The following PRC1 variants were observed in gnomAD, a reference collection of about 807,000 sequenced individuals.
PRC1 encodes protein regulator of cytokinesis 1.
A neutral mutation model predicts 91.2 loss-of-function variants in PRC1; 54 were observed. That is an observed-to-expected ratio of 0.59 (90% CI 0.48 to 0.74). The LOEUF is 0.74. PRC1 is among the 30% of genes least tolerant of loss of function. The pLI is 0.00. For missense variants in PRC1, 727 were observed against 746.2 expected, an observed-to-expected ratio of 0.97 and a Z score of 0.30; for synonymous variants, 275 against 263.6, an observed-to-expected ratio of 1.04 and a Z score of -0.42.
At chr15:90,969,926 AT>A (rs2037950153) in intron 12 of PRC1, among the ~76,000 whole-genome samples, 2 of 151,764 alleles carry the variant, frequency 1.3e-5, no homozygotes, top group South Asian at 4.2e-4. Flanking sequence ...CTAGAAAAAA[AT>A]TTTTTTTAAA....
chr15:90,974,355 T>C lies in PRC1; in HGVS notation c.1351-109A>G, dbSNP rs969295448. 73 of 1,126,980 alleles carry C rather than the reference T, an allele frequency of 6.5e-5. No individual in the cohort carries two copies. The African/African-American group carries it at 1.1e-3, about 16-fold the overall frequency. 69.8% of individuals were successfully genotyped at this position (1,126,980 alleles called of 1,614,324 possible). Reference sequence around the variant, plus strand: ...AGGCCCGTGTCTCTACAGCCAGAGCTAAAGAGCTGCCGCGGGCTCCCCGTT... The same window carrying C: ...AGGCCCGTGTCTCTACAGCCAGAGCCAAAGAGCTGCCGCGGGCTCCCCGTT... On this transcript the variant is annotated intron_variant, in intron 10 of 14. Transcript: ENST00000394249. The surrounding 1 kb of genome is among the most constrained non-coding windows in gnomAD (Gnocchi z 4.6).
At chr15:90,967,498 T>G in intron 14 of PRC1, 1 of 345,828 alleles carries the variant, frequency 2.9e-6, no homozygotes, top group Non-Finnish European at 5.4e-6. Flanking sequence ...ATAATGATGT[T>G]TCAGTTAACG....
chr15:90,972,147 C>G (rs961317426), intron 11 of PRC1, among the ~76,000 whole-genome samples: 6 of 139,432 alleles, frequency 4.3e-5, no homozygotes, highest in African/African-American at 1.3e-4. Flanking sequence ...TTGAGACCAG[C>G]CTGGACAACT....
intron 3 of PRC1, 62 bp from the exon 4 acceptor site, chr15:90,982,043 G>A: frequency 6.8e-7 from 1 of 1,480,606 alleles, no homozygotes; most frequent in African/African-American, 1.4e-5. Flanking sequence ...AGGAAGAGAA[G>A]GACAACATAA....
chr15:90,968,543 T>A, intron 14 of PRC1: 1 of 991,180 alleles, frequency 1.0e-6, no homozygotes, highest in Non-Finnish European at 1.2e-6. Flanking sequence ...GTGAAGAGCA[T>A]TCTGGAAAAA....
intron 6 of PRC1, 130 bp from the exon 7 acceptor site, chr15:90,980,519 T>G: frequency 1.0e-6 from 1 of 1,002,960 alleles, no homozygotes; most frequent in East Asian, 3.0e-5. Context: ...ACACTTTTTT[T>G]TTTTTTTTTT....
Position 90,966,962 on chromosome 15 carries a change from T to G in PRC1, c.*169A>C. ...TCTCCTAGGACCACTAAACCTATGA[T>G]GGGCTTTCAACTGTAACACTCATTC... On this transcript the variant is annotated 3_prime_UTR_variant, in exon 15 of 15. Coordinates refer to ENST00000394249, the MANE Select transcript of PRC1 (RefSeq NM_003981.4). 1.6e-6 allele frequency: 1 copy of G among 635,942 alleles called. No individual in the cohort carries two copies. The allele number at this position is 635,942 out of a possible 1,614,324, so 39.4% of individuals were successfully genotyped here. A position where few individuals can be genotyped will look rare whatever the true frequency, so the allele number is the denominator to read the frequency against.
At position 90,966,294 on chromosome 15, in the gene PRC1, C is replaced by A; in HGVS notation, c.*837G>T. 4.3e-6 allele frequency: 1 copy of A among 234,970 alleles called. No individual in the cohort carries two copies. The highest frequency in any genetic ancestry group is 8.8e-6 in the Non-Finnish European group (1 of 113,724). 14.6% of individuals were successfully genotyped at this position (234,970 alleles called of 1,614,324 possible). A position where few individuals can be genotyped will look rare whatever the true frequency, so the allele number is the denominator to read the frequency against. On this transcript the variant is annotated 3_prime_UTR_variant, in exon 15 of 15. Coordinates refer to ENST00000394249, the MANE Select transcript of PRC1 (RefSeq NM_003981.4). ...GGGCGCCTCATCGTGGAAGCTAGAG[C>A]AGGAACACCTCCCCAGTAGTGACAT... is the stretch of plus-strand genomic sequence containing the variant.
chr15:90,981,926 T>TC lies in PRC1; in HGVS notation c.322dup (p.Glu108GlyfsTer34). 1 of 1,614,206 alleles carries TC rather than the reference T, an allele frequency of 6.2e-7. No individual in the cohort carries two copies. Among genetic ancestry groups the TC allele is most frequent in the South Asian group, 1.1e-5 (1 of 91,080 alleles). ...CTCCTTTTTCTGTTTTCGCATCAAT[T>TC]CCACTTGGGTGCGCAAATCTTTTTC... On this transcript the variant is annotated frameshift_variant, in exon 4 of 15. Transcript: ENST00000394249. LOFTEE classifies it high-confidence loss of function.
intron 3 of PRC1, 178 bp downstream of exon 3, chr15:90,983,840 C>T: frequency 1.3e-6 from 1 of 772,226 alleles, no homozygotes; most frequent in East Asian, 2.7e-5. Context: ...GGGCAACTCT[C>T]TACAGAGGTG....
intron 11 of PRC1, among the ~76,000 whole-genome samples, chr15:90,971,586 C>A (rs1450389798): frequency 1.4e-5 from 2 of 144,120 alleles, no homozygotes; most frequent in Admixed American, 1.4e-4. Flanking sequence ...CCAGCCAACA[C>A]TTTTTTTTTT....
intron 7 of PRC1, 71 bp from the exon 8 acceptor site, chr15:90,979,365 A>G (rs960235109): frequency 1.1e-5 from 17 of 1,487,668 alleles, no homozygotes; most frequent in South Asian, 3.7e-5. Context: ...CGAATCCCCG[A>G]TTCCCTAAAA....
intron 1 of PRC1, among the ~76,000 whole-genome samples, chr15:90,993,039 C>G (rs1490352033): frequency 7.6e-6 from 1 of 131,040 alleles, no homozygotes; most frequent in Admixed American, 8.5e-5. Context: ...CCACTACACT[C>G]CAGCCTGGGC....
At chr15:90,969,644 T>C in intron 12 of PRC1, 21 bp from the exon 13 acceptor site, 1 of 1,572,306 alleles carries the variant, frequency 6.4e-7, no homozygotes, top group East Asian at 2.3e-5. Context: ...AGGAAAGAGA[T>C]CCATGTATCA....
At chr15:90,988,716 C>T (rs1351111675) in intron 1 of PRC1, 1 of 152,374 alleles carries the variant, frequency 6.6e-6, no homozygotes, top group Non-Finnish European at 1.5e-5. Flanking sequence ...TCACCATTCC[C>T]CCCAAGCCCC....
Position 90,981,973 on chromosome 15 carries a change from TC to T in PRC1, c.275del (p.Gly92GlufsTer8). On this transcript the variant is annotated frameshift_variant, in exon 4 of 15. Transcript: ENST00000394249. LOFTEE classifies it high-confidence loss of function. ...TTTCTAGTTGCAAGATGGTCGTCTC[TC>T]CTTCTTCCTGAATAAGACAACGTAC... ...ELHVEPFQEE[G>X]ETTILQLEKD... 2.5e-6 allele frequency: 4 copies of T among 1,613,508 alleles called. No homozygotes were observed. The highest frequency in any genetic ancestry group is 2.5e-6 in the Non-Finnish European group (3 of 1,179,582).
At chr15:90,993,752 A>G (rs551289666) in intron 1 of PRC1, among the ~76,000 whole-genome samples, 3 of 152,248 alleles carry the variant, frequency 2.0e-5, no homozygotes, top group African/African-American at 7.2e-5. Flanking sequence ...TATCTTTCCA[A>G]TTCAAACAAA....
At chr15:90,975,686 T>C (rs76837547) in intron 9 of PRC1, among the ~76,000 whole-genome samples, 4,432 of 152,220 alleles carry the variant, frequency 0.029, 217 homozygotes, top group African/African-American at 0.1. Flanking sequence ...AGACAGCGTC[T>C]TTAAAAAGAG....
intron 14 of PRC1, chr15:90,968,723 T>C: frequency 8.9e-7 from 1 of 1,121,498 alleles, no homozygotes; most frequent in Non-Finnish European, 1.1e-6. Context: ...AGCCTCATTG[T>C]AGGCAGCACA....
Sources: allele counts gnomAD v4.1 joint callset (sites outside exome capture counted in the v4.1 genomes callset), GRCh38; gene constraint gnomAD v4.1.1; non-coding constraint Gnocchi (gnomAD v3.1); transcripts MANE v1.5; gene names NCBI Gene and HGNC (gene_info 2026-07-23, HGNC 2026-07-21).